Variants in SPRR1A observed in about 807,000 individuals in gnomAD.
SPRR1A encodes the protein small proline rich protein 1A.
For missense variants in SPRR1A, 123 were observed against 105.4 expected (o/e 1.17, Z -0.73); for synonymous variants, 40 against 39.2 (o/e 1.02, Z -0.07).
At chr1:152,985,665 T>C (rs920133111), downstream of SPRR1A, among the ~76,000 whole-genome samples, 1 of 152,192 alleles carries the variant, frequency 6.6e-6, no homozygotes, top group African/African-American at 2.4e-5. Context: ...CTTACCCTCA[T>C]TCTGGAGGGC....
upstream of SPRR1A, among the ~76,000 whole-genome samples, chr1:152,984,627 A>T (rs1652252539): frequency 6.6e-6 from 1 of 152,202 alleles, no homozygotes; most frequent in African/African-American, 2.4e-5. Flanking sequence ...AGTAATTGGC[A>T]TGACGGAGAT....
At chr1:152,985,409 A>C in exon 1 of SPRR1A, 1 of 1,563,690 alleles carries the variant, frequency 6.4e-7, no homozygotes, top group South Asian at 1.1e-5. Flanking sequence ...TGCCAGCCCA[A>C]GGTTCCAGAG....
upstream of SPRR1A, chr1:152,985,091 G>C: frequency 8.5e-7 from 1 of 1,181,288 alleles, no homozygotes; most frequent in Non-Finnish European, 1.2e-6. Flanking sequence ...AAATGTAATG[G>C]GGGAGTTAAG....
chr1:152,985,605 G>A (rs759525074), downstream of SPRR1A: 2 of 1,504,350 alleles, frequency 1.3e-6, no homozygotes, highest in Non-Finnish European at 1.8e-6. Context: ...CAGTTAGCAT[G>A]CTGTCACCCT....
exon 1 of SPRR1A, chr1:152,985,343 A>C (rs1463205928): frequency 1.9e-6 from 3 of 1,613,552 alleles, no homozygotes; most frequent in Non-Finnish European, 2.5e-6. Context: ...CCCAAAACCA[A>C]GGAGCCCTGC....
chr1:152,985,479 G>C (rs527509026), exon 1 of SPRR1A: 1 of 1,613,452 alleles, frequency 6.2e-7, no homozygotes, highest in East Asian at 2.2e-5. Context: ...CACCAGCCCA[G>C]CAGAAGACCA....
rs765182684 is a variant in SPRR1A at position 152,985,297 on chromosome 1, C to G, written c.67C>G (p.Gln23Glu). The G allele has an allele frequency of 4.3e-6, 7 of 1,613,922 alleles. No individual in the cohort carries two copies. Among genetic ancestry groups the G allele is most frequent in the Admixed American group, 3.3e-5 (2 of 59,992 alleles). Residue 23 changes from glutamine (Q) to glutamate (E), a missense_variant, in exon 1 of 1, where the codon CAA becomes GAA. Coordinates refer to ENST00000368762, the Ensembl canonical transcript of SPRR1A. ...TCAGCCTCAGCAGCAGCAGGTGAAA[C>G]AACCTTGCCAGCCTCCACCCCAGGA...
upstream of SPRR1A, among the ~76,000 whole-genome samples, chr1:152,984,897 A>G (rs17881771): frequency 8.1e-3 from 1,237 of 152,304 alleles, 12 homozygotes; most frequent in African/African-American, 0.029. Context: ...CAAAAGACCT[A>G]ATATGCGGAC....
exon 1 of SPRR1A, chr1:152,985,464 T>C (rs1468028151): frequency 6.2e-7 from 1 of 1,613,652 alleles, no homozygotes; most frequent in East Asian, 2.2e-5. Flanking sequence ...CAACGGTCAC[T>C]CCAGCACCAG....
At chr1:152,984,528 A>C (rs1467831021), upstream of SPRR1A, among the ~76,000 whole-genome samples, 1 of 152,216 alleles carries the variant, frequency 6.6e-6, no homozygotes, top group African/African-American at 2.4e-5. Flanking sequence ...CACTTTGGAC[A>C]AATCAATGCC....
chr1:152,984,532 C>A (rs956165258), upstream of SPRR1A, among the ~76,000 whole-genome samples: 1 of 152,162 alleles, frequency 6.6e-6, no homozygotes, highest in Non-Finnish European at 1.5e-5. Flanking sequence ...TTGGACAAAT[C>A]AATGCCTAAC....
chr1:152,984,532 C>G (rs956165258), upstream of SPRR1A, among the ~76,000 whole-genome samples: 1 of 152,162 alleles, frequency 6.6e-6, no homozygotes, highest in Non-Finnish European at 1.5e-5. Flanking sequence ...TTGGACAAAT[C>G]AATGCCTAAC....
downstream of SPRR1A, chr1:152,985,627 G>T (rs905028553): frequency 5.5e-6 from 8 of 1,454,844 alleles, no homozygotes; most frequent in Non-Finnish European, 6.4e-6. Flanking sequence ...AATCATAATC[G>T]CTCCTTTGCA....
downstream of SPRR1A, chr1:152,985,609 T>C: frequency 2.0e-6 from 3 of 1,496,114 alleles, no homozygotes; most frequent in Non-Finnish European, 2.7e-6. Context: ...TAGCATGCTG[T>C]CACCCTGAAT....
exon 1 of SPRR1A, chr1:152,985,309 C>T: frequency 6.2e-7 from 1 of 1,613,928 alleles, no homozygotes; most frequent in South Asian, 1.1e-5. Context: ...ACCTTGCCAG[C>T]CTCCACCCCA....
At chr1:152,985,551 C>T (rs767524024), downstream of SPRR1A, 1 of 1,562,428 alleles carries the variant, frequency 6.4e-7, no homozygotes, top group Non-Finnish European at 8.7e-7. Context: ...TACTGAACAC[C>T]CTACTCCATT....
chr1:152,984,883 T>C (rs1158564771), upstream of SPRR1A, among the ~76,000 whole-genome samples: 1 of 152,162 alleles, frequency 6.6e-6, no homozygotes, highest in Non-Finnish European at 1.5e-5. Flanking sequence ...CTGATGCCAT[T>C]TTCCAAAAGA....
At chr1:152,984,371 A>G (rs1302707494), upstream of SPRR1A, among the ~76,000 whole-genome samples, 1 of 152,154 alleles carries the variant, frequency 6.6e-6, no homozygotes, top group Non-Finnish European at 1.5e-5. Flanking sequence ...TCAAATGCCC[A>G]TGGGAAGTTC....
chr1:152,984,779 A>G (rs549004705), upstream of SPRR1A, among the ~76,000 whole-genome samples: 1 of 152,094 alleles, frequency 6.6e-6, no homozygotes, highest in Admixed American at 6.5e-5. Context: ...CTGTGTAAGC[A>G]CAGACCAGAA....
Sources: gnomAD v4.1 joint callset for allele counts (sites outside exome capture counted in the v4.1 genomes callset) on GRCh38, gnomAD v4.1.1 for gene constraint, MANE v1.5 for transcripts, NCBI Gene and HGNC (gene_info 2026-07-23, HGNC 2026-07-21) for gene names.